Variants in CIC observed in about 807,000 individuals in gnomAD.
CIC encodes the protein protein capicua homolog.
CIC carries 18 observed loss-of-function variants against 115.7 expected under a neutral mutation model. That is an observed-to-expected ratio of 0.16 (90% CI 0.11 to 0.23). The LOEUF (loss-of-function observed/expected upper bound fraction) is 0.23, where lower values mean the gene tolerates loss of function less well. Ranked by LOEUF, CIC falls within the 10% of genes least tolerant of loss-of-function variation. The pLI is 1.00. For synonymous variants in CIC, 1,076 were observed against 923.0 expected (o/e 1.17, Z -3.01); for missense variants, 2,000 against 2,159.3 (o/e 0.93, Z 1.46).
Position 42,292,337 on chromosome 19 carries a change from C to T in CIC, c.5773C>T (p.Pro1925Ser), listed in dbSNP as rs747682952. The T allele has an allele frequency of 1.7e-5, 28 of 1,612,970 alleles. No individual in the cohort carries two copies. In the East Asian group the frequency reaches 2.7e-4, roughly 15 times the overall value. ...GCAGTCAGCGGGCGGGCACGCGCTG[C>T]CCCTGGGTACCAGCCCTGCGTCCAG... ...YVQSAGGHAL[P>S]LGTSPASSQA... The change falls in exon 14 of 21, where the codon CCC becomes TCC. Residue 1925 changes from proline to serine, a missense_variant. Physicochemically the swap from Pro to Ser is moderately conservative, Grantham distance 74. Coordinates refer to ENST00000681038, the MANE Select transcript of CIC (RefSeq NM_001386298.1).
chr19:42,290,477 C>A lies in CIC; in HGVS notation c.4436C>A (p.Pro1479His), dbSNP rs1171989447. The A allele has an allele frequency of 6.2e-7, 1 of 1,613,814 alleles. No individual in the cohort carries two copies. Among genetic ancestry groups the A allele is most frequent in the African/African-American group, 1.3e-5 (1 of 75,018 alleles). ...QESGQGSTAG[P>H]LRPPPPGAGG... ...TCTGGTCAGGGCAGCACAGCGGGCC[C>A]CCTACGGCCCCCACCCCCTGGGGCT... is the stretch of plus-strand genomic sequence containing the variant. Residue 1479 changes from proline to histidine, a missense_variant, in exon 11 of 21, where the codon CCC (proline) becomes CAC (histidine). Physicochemically the swap from Pro to His is moderately conservative, Grantham distance 77 (BLOSUM62 -2). Transcript: ENST00000681038.
In CIC at chr19:42,292,102, C is replaced by T. The variant is rs2147292434; in HGVS notation, c.5630C>T (p.Pro1877Leu). The T allele has an allele frequency of 6.2e-7, 1 of 1,613,908 alleles. No homozygotes were observed. Among genetic ancestry groups the T allele is most frequent in the Non-Finnish European group, 8.5e-7 (1 of 1,180,016 alleles). The part of the protein sequence containing the change: ...QPPSKIIQLT[P>L]VPVSTPSGLV... ...TCTCCACAGATCATCCAGCTGACCC[C>T]GGTGCCTGTGAGCACACCCAGCGGC... The change falls in exon 13 of 21, where the codon CCG becomes CTG. Residue 1877 changes from proline (P) to leucine (L), a missense_variant. Pro to Leu is a moderately conservative substitution (Grantham distance 98). This residue lies in a region of CIC where 1,466 missense variants were observed against 1,390.4 expected (regional missense o/e 1.05). Transcript: ENST00000681038.
Position 42,290,264 on chromosome 19 carries a change from T to A in CIC, c.4223T>A (p.Ile1408Asn). The change falls in exon 11 of 21, where the codon ATC becomes AAC. Residue 1408 changes from isoleucine (I) to asparagine (N), a missense_variant. By Grantham distance (149) the Ile-to-Asn change is moderately radical (BLOSUM62 -3). Around this residue, in one of 8 missense-constraint regions of CIC, gnomAD observed 1,466 missense variants for 1,390.4 expected, o/e 1.05. Transcript: ENST00000681038. ...GGTCGGAAGGTGTTTTCACCTGTGA[T>A]CCGTTCCTCCTTTACCCACTGCCGC... ...GFGRKVFSPV[I>N]RSSFTHCRPP... 1 of 1,614,038 alleles carries A rather than the reference T, an allele frequency of 6.2e-7. No homozygotes were observed. The highest frequency in any genetic ancestry group is 8.5e-7 in the Non-Finnish European group (1 of 1,179,980).
chr19:42,289,609 CA>C (rs2037923768), intron 9 of CIC, among the ~76,000 whole-genome samples: 1 of 152,242 alleles, frequency 6.6e-6, no homozygotes, highest in Admixed American at 6.5e-5. Flanking sequence ...ATCTGGAGGA[CA>C]GGGGGCATGA....
Position 42,293,097 on chromosome 19 carries a change from C to G in CIC, c.6338C>G (p.Pro2113Arg). The G allele has an allele frequency of 6.2e-7, 1 of 1,610,108 alleles. No homozygotes were observed. Among genetic ancestry groups the G allele is most frequent in the Non-Finnish European group, 8.5e-7 (1 of 1,178,884 alleles). ...GCCTCTGGGCGGCCTGGCCCTGCAC[C>G]CCGGCAGCCTCTGGAGCCTGGCCCA... ...AGASGRPGPAPRQPLEPGPVR... is the reference protein window; with the variant it reads ...AGASGRPGPARRQPLEPGPVR... The change falls in exon 16 of 21, where the codon CCC (proline) becomes CGC (arginine). Residue 2113 changes from proline (P) to arginine (R), a missense_variant. Physicochemically the swap from Pro to Arg is moderately radical, Grantham distance 103. Transcript: ENST00000681038.
rs1161570521 is a variant in CIC, at chr19:42,294,656, C to T, written c.7107C>T (p.Tyr2369=). 1 of 1,613,804 alleles carries T rather than the reference C, an allele frequency of 6.2e-7. No homozygotes were observed. The change falls in exon 20 of 21, where the codon TAC becomes TAT. Residue 2369 remains tyrosine, a synonymous_variant. Coordinates refer to ENST00000681038, the MANE Select transcript of CIC (RefSeq NM_001386298.1). ...LGELEYDKVP[Y]SSLRRTLDQR... The stretch of plus-strand genomic sequence containing the variant: ...AGCTAGAGTATGACAAGGTGCCATA[C>T]TCCTCCCTGCGGCGCACCCTGGACC...
At chr19:42,284,445 G>C (rs2037456923) in intron 2 of CIC, 1 of 144,982 alleles carries the variant, frequency 6.9e-6, no homozygotes, top group South Asian at 2.1e-4. Context: ...GCGCGCGCCG[G>C]GGGGCGGGGC....
intron 2 of CIC, 22 bp from the exon 3 acceptor site, chr19:42,286,749 C>G: frequency 7.4e-6 from 12 of 1,613,794 alleles, no homozygotes; most frequent in Non-Finnish European, 1.0e-5. Flanking sequence ...TGCTGCACAG[C>G]TCACCTGGCT....
chr19:42,291,644 C>G lies in CIC; in HGVS notation c.5512C>G (p.Pro1838Ala). 3.1e-6 allele frequency: 5 copies of G among 1,613,026 alleles called. No homozygotes were observed. The highest frequency in any genetic ancestry group is 2.5e-6 in the Non-Finnish European group (3 of 1,180,012). Reference protein sequence around the residue: ...PGKVLVPLAAPSMSVRGGGAG... With the variant: ...PGKVLVPLAAASMSVRGGGAG... ...GAAGGTCCTAGTGCCTCTGGCCGCC[C>G]CTAGCATGTCAGTGCGGGGTGGAGG... The change falls in exon 12 of 21, where the codon CCT (proline) becomes GCT (alanine). Residue 1838 changes from proline (P) to alanine (A), a missense_variant. Physicochemically the swap from Pro to Ala is conservative, Grantham distance 27 (BLOSUM62 -1). Coordinates refer to ENST00000681038, the MANE Select transcript of CIC (RefSeq NM_001386298.1).
Position 42,295,143 on chromosome 19 carries a change from G to GGGGGGGCCCCC in CIC, c.7506_7507insGGGGGGCCCCC (p.Pro2503GlyfsTer30). On this transcript the variant is annotated frameshift_variant, in exon 21 of 21. Coordinates refer to ENST00000681038, the MANE Select transcript of CIC (RefSeq NM_001386298.1). LOFTEE classifies it high-confidence loss of function. ...AGCCTGGCTGGGAGGGGGCTCCCCA[G>GGGGGGGCCCCC]CCCTCCCCCCCACCCCCAGGTCCCT... The GGGGGGGCCCCC allele has an allele frequency of 2.2e-6, 3 of 1,382,730 alleles. No homozygotes were observed. Among genetic ancestry groups the GGGGGGGCCCCC allele is most frequent in the Non-Finnish European group, 2.9e-6 (3 of 1,037,820 alleles). 85.7% of individuals were successfully genotyped at this position (1,382,730 alleles called of 1,614,324 possible).
rs989600865 is a variant in CIC at position 42,270,158 on chromosome 19, A to T, written c.-11+777A>T. ...CTGGAGCCAGATCTCAGTCCCCAAC[A>T]TGGTAGTCTAGTGGGTCAGCGGGTA... On this transcript the variant is annotated intron_variant, in intron 1 of 20. Transcript: ENST00000681038. The surrounding 1 kb of genome is among the most constrained non-coding windows in gnomAD (Gnocchi z 4.1). 6.6e-6 allele frequency among the ~76,000 whole-genome samples: 1 copy of T among 152,148 alleles called. No individual in the cohort carries two copies. Among genetic ancestry groups the T allele is most frequent in the Non-Finnish European group, 1.5e-5 (1 of 68,006 alleles).
rs1318651650 is a variant in CIC, at chr19:42,270,710, GA to G, written c.-10-1063del. ...GGGCGGGGATGCATGCAGGCAAGAA[GA>G]GGGGGGCTGGGCTTGCGGGTATCAC... On this transcript the variant is annotated intron_variant, in intron 1 of 20. Transcript: ENST00000681038. This position sits in a 1 kb window ranked among gnomAD's most constrained non-coding sequence, Gnocchi z 4.1. Among the ~76,000 whole-genome samples the G allele has an allele frequency of 6.6e-6, 1 of 152,166 alleles. No individual in the cohort carries two copies. Among genetic ancestry groups the G allele is most frequent in the Non-Finnish European group, 1.5e-5 (1 of 68,022 alleles).
chr19:42,289,856 GGCT>G lies in CIC; in HGVS notation c.4097_4099del (p.Gly1366_Phe1367delinsVal), dbSNP rs1236276156. 5.6e-6 allele frequency: 9 copies of G among 1,602,250 alleles called. No homozygotes were observed. The highest frequency in any genetic ancestry group is 1.3e-5 in the African/African-American group (1 of 74,822). Reference sequence around the variant, plus strand: ...TCCCTCCACTCCCTCAGCTGACGATGGCTTCGGCACCACTGACATTGATCTCAA... The same window carrying G: ...TCCCTCCACTCCCTCAGCTGACGATGTCGGCACCACTGACATTGATCTCAA... On this transcript the variant is annotated inframe_deletion, in exon 10 of 21. Transcript: ENST00000681038.
At chr19:42,271,421 A>C (rs2036787111) in intron 1 of CIC, among the ~76,000 whole-genome samples, 1 of 152,246 alleles carries the variant, frequency 6.6e-6, no homozygotes, top group African/African-American at 2.4e-5. Context: ...AAACAGGTTA[A>C]TAAAGGCAAG....
At position 42,287,771 on chromosome 19, in the gene CIC, G is replaced by T; in HGVS notation, c.3493-39G>T. The T allele has an allele frequency of 1.2e-6, 2 of 1,614,112 alleles. No individual in the cohort carries two copies. Among genetic ancestry groups the T allele is most frequent in the Non-Finnish European group, 8.5e-7 (1 of 1,179,998 alleles). On this transcript the variant is annotated intron_variant, in intron 6 of 20. Coordinates refer to ENST00000681038, the MANE Select transcript of CIC (RefSeq NM_001386298.1). The surrounding 1 kb of genome is among the most constrained non-coding windows in gnomAD (Gnocchi z 8.7). The stretch of plus-strand genomic sequence containing the variant: ...GGCTCCTCCCAGCTTCTTCTGGTGG[G>T]GTGGGTGAGTGAAGGGTTGCCCTGC...
In CIC at chr19:42,287,754, C is replaced by T. The variant is rs774507373; in HGVS notation, c.3492+27C>T. On this transcript the variant is annotated intron_variant, in intron 6 of 20. Coordinates refer to ENST00000681038, the MANE Select transcript of CIC (RefSeq NM_001386298.1). The surrounding 1 kb of genome is among the most constrained non-coding windows in gnomAD (Gnocchi z 8.7). Reference sequence around the variant, plus strand: ...TAACGCTGTTGCCTCTTGGCTCCTCCCAGCTTCTTCTGGTGGGGTGGGTGA... The same window carrying T: ...TAACGCTGTTGCCTCTTGGCTCCTCTCAGCTTCTTCTGGTGGGGTGGGTGA... The T allele has an allele frequency of 3.0e-5, 49 of 1,614,042 alleles. No homozygotes were observed. In the Admixed American group the frequency reaches 7.5e-4, roughly 25 times the overall value.
In CIC at chr19:42,293,674, C is replaced by G; in HGVS notation, c.6605C>G (p.Pro2202Arg). The change falls in exon 17 of 21, where the codon CCC becomes CGC. Residue 2202 changes from proline to arginine, a missense_variant. Transcript: ENST00000681038. ...LENRGEPPTPPSPAPAPAVAP... is the reference protein window; with the variant it reads ...LENRGEPPTPRSPAPAPAVAP... ...AATCGTGGGGAGCCTCCCACTCCTC[C>G]CAGCCCGGCCCCAGCTCCAGCTGTA... 6.2e-7 allele frequency: 1 copy of G among 1,612,738 alleles called. No individual in the cohort carries two copies. Among genetic ancestry groups the G allele is most frequent in the Non-Finnish European group, 8.5e-7 (1 of 1,179,740 alleles).
chr19:42,291,461 C>A lies in CIC; in HGVS notation c.5420C>A (p.Pro1807His), dbSNP rs760859270. The A allele has an allele frequency of 6.4e-5, 104 of 1,613,024 alleles. No individual in the cohort carries two copies. The highest frequency in any genetic ancestry group is 8.6e-5 in the Non-Finnish European group (101 of 1,180,006). Residue 1807 changes from proline (P) to histidine (H), a missense_variant, in exon 11 of 21, where the codon CCC (proline) becomes CAC (histidine). Transcript: ENST00000681038. ...CAGTCTGTACCCTCCGCCCCACCCC[C>A]CAAAGGTGAGACCTGGGCCGGGCAG... is the stretch of plus-strand genomic sequence containing the variant. ...ILQSVPSAPP[P>H]KAQSVSPVQA...
rs1409956247 is a variant in CIC at position 42,270,615 on chromosome 19, T to C, written c.-10-1159T>C. ...TTATCCCACCTATCCCCACTTGGAG[T>C]TGGAGGGCATATTTGGGGGCCTGCG... On this transcript the variant is annotated intron_variant, in intron 1 of 20. Transcript: ENST00000681038. The surrounding 1 kb of genome is among the most constrained non-coding windows in gnomAD (Gnocchi z 4.1). Among the ~76,000 whole-genome samples, 2 of 152,036 alleles carry C rather than the reference T, an allele frequency of 1.3e-5. No homozygotes were observed. The highest frequency in any genetic ancestry group is 2.9e-5 in the Non-Finnish European group (2 of 67,990).
Sources: allele counts gnomAD v4.1 joint callset (sites outside exome capture counted in the v4.1 genomes callset), GRCh38; gene constraint gnomAD v4.1.1; regional missense constraint gnomAD v4.1.1; non-coding constraint Gnocchi (gnomAD v3.1); transcripts MANE v1.5; gene names NCBI Gene and HGNC (gene_info 2026-07-23, HGNC 2026-07-21).